DPP6: variants seen among roughly 807,000 people sequenced by gnomAD.
The protein encoded by DPP6 is A-type potassium channel modulatory protein DPP6.
DPP6 carries 69 observed loss-of-function variants against 122.6 expected under a neutral mutation model. That is an observed-to-expected ratio of 0.56 (90% CI 0.46 to 0.69). The LOEUF (loss-of-function observed/expected upper bound fraction) is 0.69. DPP6 is among the 30% of genes least tolerant of loss of function. The pLI is 0.00. For synonymous variants in DPP6, 418 were observed against 433.1 expected, an observed-to-expected ratio of 0.97 and a Z score of 0.43; for missense variants, 928 against 1,116.9, an observed-to-expected ratio of 0.83 and a Z score of 2.41.
At chr7:153,938,719 G>T (rs541555604) in intron 1 of DPP6, among the ~76,000 whole-genome samples, 5 of 152,078 alleles carry the variant, frequency 3.3e-5, no homozygotes, top group Non-Finnish European at 7.3e-5. Flanking sequence ...TTTTAGTTTC[G>T]TATTCCTCAA....
At chr7:154,023,320 A>ACGCG (rs372465221) in intron 1 of DPP6, among the ~76,000 whole-genome samples, 5,529 of 127,764 alleles carry the variant, frequency 0.043, 120 homozygotes, top group Non-Finnish European at 0.043. Flanking sequence ...TCTTGTCTGC[A>ACGCG]CACACACACA....
At chr7:154,625,611 G>A (rs1835015530) in intron 5 of DPP6, among the ~76,000 whole-genome samples, 1 of 152,170 alleles carries the variant, frequency 6.6e-6, no homozygotes, top group African/African-American at 2.4e-5. Context: ...GTTTTTGGAA[G>A]TGAGCCCAAT....
the DPP6 span, among the ~76,000 whole-genome samples, chr7:153,879,386 T>C: frequency 6.6e-6 from 1 of 152,158 alleles, no homozygotes; most frequent in African/African-American, 2.4e-5. Flanking sequence ...TTTGTTTCTT[T>C]CTTTCTTTCT....
chr7:154,635,563 G>T (rs1347758740), intron 5 of DPP6, among the ~76,000 whole-genome samples: 2 of 152,140 alleles, frequency 1.3e-5, no homozygotes, highest in African/African-American at 4.8e-5. Context: ...CTTACCTATT[G>T]CTGTATAAGA....
rs185853955 is a variant in DPP6 at position 154,654,027 on chromosome 7, T to C, written c.681-15333T>C. Among the ~76,000 whole-genome samples the C allele has an allele frequency of 4.6e-5, 7 of 152,296 alleles. No individual in the cohort carries two copies. The East Asian group carries it at 1.4e-3, about 29-fold the overall frequency. On this transcript the variant is annotated intron_variant, in intron 6 of 25. Transcript: ENST00000377770. ...CTGTACTGAATTTGTACAGACTTTC[T>C]TCCTTGTCATTATTCCCTAAATGAT...
intron 5 of DPP6, among the ~76,000 whole-genome samples, chr7:154,567,581 G>A (rs951799668): frequency 4.6e-5 from 7 of 152,208 alleles, no homozygotes; most frequent in African/African-American, 1.4e-4. Context: ...ATTTGTATAA[G>A]TGGAGAGGAT....
At chr7:153,795,244 G>A in the DPP6 span, among the ~76,000 whole-genome samples, 158 of 152,252 alleles carry the variant, frequency 1.0e-3, no homozygotes, top group African/African-American at 3.5e-3. Flanking sequence ...GTGCAACCCC[G>A]TCTCTACTAA....
intron 8 of DPP6, among the ~76,000 whole-genome samples, chr7:154,765,170 A>G (rs1197063097): frequency 1.3e-5 from 2 of 152,170 alleles, no homozygotes; most frequent in African/African-American, 4.8e-5. Flanking sequence ...TTTATCTACT[A>G]TGTTGCAAAT....
At chr7:154,671,382 G>A (rs73494048) in intron 7 of DPP6, among the ~76,000 whole-genome samples, 24 of 152,152 alleles carry the variant, frequency 1.6e-4, no homozygotes, top group Admixed American at 9.8e-4. Context: ...AGTGATCATT[G>A]TCCAGCCTTT....
At chr7:154,369,721 G>A (rs112000394) in intron 1 of DPP6, among the ~76,000 whole-genome samples, 2 of 152,302 alleles carry the variant, frequency 1.3e-5, no homozygotes, top group Admixed American at 6.5e-5. Context: ...AATTGCTAAC[G>A]CTGCCCTTGG....
intron 1 of DPP6, among the ~76,000 whole-genome samples, chr7:154,364,970 C>A (rs1812031556): frequency 6.6e-6 from 1 of 152,180 alleles, no homozygotes; most frequent in African/African-American, 2.4e-5. Flanking sequence ...TGCCCCAGCA[C>A]TCAGATGACC....
intron 3 of DPP6, among the ~76,000 whole-genome samples, chr7:154,500,449 G>T (rs11771308): frequency 1.3e-5 from 2 of 152,252 alleles, no homozygotes; most frequent in South Asian, 4.1e-4. Context: ...CATTTTGAAT[G>T]GTAATTCCCA....
chr7:154,718,995 C>T (rs1841653004), intron 7 of DPP6, among the ~76,000 whole-genome samples: 1 of 152,174 alleles, frequency 6.6e-6, no homozygotes, highest in African/African-American at 2.4e-5. Context: ...AAGCACCACT[C>T]TTCTTGTGTC....
At chr7:154,487,253 T>C (rs1255783495) in intron 3 of DPP6, among the ~76,000 whole-genome samples, 2 of 152,208 alleles carry the variant, frequency 1.3e-5, no homozygotes. Context: ...TGTTCATGTT[T>C]TTTTCCTACT....
At chr7:154,430,902 TAAG>T (rs769929316) in intron 1 of DPP6, among the ~76,000 whole-genome samples, 104 of 32,854 alleles carry the variant, frequency 3.2e-3, no homozygotes, top group Non-Finnish European at 0.014. Flanking sequence ...TTTCTTTCGT[TAAG>T]TTAAGTCTTC....
chr7:154,623,758 T>C (rs1834889445), intron 5 of DPP6, among the ~76,000 whole-genome samples: 1 of 152,188 alleles, frequency 6.6e-6, no homozygotes, highest in Non-Finnish European at 1.5e-5. Flanking sequence ...AAAATATAAA[T>C]TGGGATTTTA....
At chr7:153,842,174 G>C in the DPP6 span, among the ~76,000 whole-genome samples, 1 of 152,262 alleles carries the variant, frequency 6.6e-6, no homozygotes, top group African/African-American at 2.4e-5. Context: ...CCTCCAGAAA[G>C]GTTATGCAAG....
At chr7:153,962,239 G>A (rs71545663) in intron 1 of DPP6, among the ~76,000 whole-genome samples, 1 of 152,044 alleles carries the variant, frequency 6.6e-6, no homozygotes, top group East Asian at 1.9e-4. Context: ...TTGAAGACTA[G>A]TCCTGTGAAA....
chr7:154,515,033 A>G (rs778817482), intron 3 of DPP6, among the ~76,000 whole-genome samples: 10 of 152,258 alleles, frequency 6.6e-5, no homozygotes, highest in Non-Finnish European at 1.3e-4. Flanking sequence ...AGACAAAGTC[A>G]TTTCAATGCC....
Sources: gnomAD v4.1 joint callset for allele counts (sites outside exome capture counted in the v4.1 genomes callset) on GRCh38, gnomAD v4.1.1 for gene constraint, MANE v1.5 for transcripts, NCBI Gene and HGNC (gene_info 2026-07-23, HGNC 2026-07-21) for gene names.